Variants in ATP7A observed in about 807,000 individuals in gnomAD.
ATP7A encodes the protein copper-transporting ATPase 1.
In ATP7A, 7 loss-of-function variants were observed where a neutral mutation model predicts 83.5. The ratio of observed to expected loss-of-function variants is 0.08; its 90% CI spans 0.05 to 0.16. The LOEUF is 0.16. ATP7A is among the 10% of genes least tolerant of loss of function. ATP7A has a pLI of 1.00. For missense variants in ATP7A, 940 were observed against 1,120.8 expected (o/e 0.84, Z 2.30); for synonymous variants, 354 against 395.2 (o/e 0.90, Z 1.24).
chrX:77,911,258 G>T (rs1455912197), intron 1 of ATP7A, among the ~76,000 whole-genome samples: 4 of 112,462 alleles, frequency 3.6e-5, no homozygotes, highest in African/African-American at 6.5e-5. Flanking sequence ...TTGGCTTCTT[G>T]TCTTGCTCTG....
At chrX:78,027,898 G>A (rs2077956403) in intron 14 of ATP7A, among the ~76,000 whole-genome samples, 1 of 111,346 alleles carries the variant, frequency 9.0e-6, no homozygotes, top group African/African-American at 3.3e-5. Flanking sequence ...GAGCCACTGT[G>A]TCCAGCCCAC....
chrX:77,954,048 T>C (rs1301959048), intron 1 of ATP7A, among the ~76,000 whole-genome samples: 1 of 112,426 alleles, frequency 8.9e-6, no homozygotes, highest in Non-Finnish European at 1.9e-5. Flanking sequence ...TGCCTTTTAA[T>C]TTGAATGTTC....
chrX:77,942,647 T>A (rs1473206598), intron 1 of ATP7A, among the ~76,000 whole-genome samples: 3 of 110,552 alleles, frequency 2.7e-5, no homozygotes, highest in Non-Finnish European at 5.7e-5. Context: ...AGGGTCTCAT[T>A]TTGTTGTCCA....
rs1230552848 is a variant in ATP7A, at chrX:77,928,073, T to C, written c.-22+17238T>C. 2.7e-5 allele frequency among the ~76,000 whole-genome samples: 3 copies of C among 110,584 alleles called. No homozygotes were observed. In the Admixed American group the frequency reaches 2.9e-4, roughly 11 times the overall value. On this transcript the variant is annotated intron_variant, in intron 1 of 22. Transcript: ENST00000341514. ...TCACTGCAGCCTCAAGTGATCCTCC[T>C]ACCTCAGCCTCACGAGTAGCTGGGA...
chrX:77,953,013 C>G (rs2077421622), intron 1 of ATP7A, among the ~76,000 whole-genome samples: 1 of 111,257 alleles, frequency 9.0e-6, no homozygotes, highest in Non-Finnish European at 1.9e-5. Flanking sequence ...AACTCCTGGG[C>G]TCAAGCAATC....
At position 78,046,462 on chromosome X, in the gene ATP7A, C is replaced by T; in HGVS notation, c.4395C>T (p.Asn1465=). ...TTAATTATAGCAGAGCCTCTATAAA[C>T]TCACTACTGTCTGATAAACGCTCCC... ...RIVNYSRASI[N]SLLSDKRSLN... Residue 1465 remains asparagine (N), a synonymous_variant, in exon 23 of 23, where the codon AAC becomes AAT. Coordinates refer to ENST00000341514, the MANE Select transcript of ATP7A (RefSeq NM_000052.7). The T allele has an allele frequency of 8.3e-7, 1 of 1,211,227 alleles. No homozygotes were observed. The highest frequency in any genetic ancestry group is 1.1e-6 in the Non-Finnish European group (1 of 895,192).
At position 77,992,358 on chromosome X, in the gene ATP7A, T is replaced by C. The variant is rs2077674997; in HGVS notation, c.1336+2400T>C. ...GATTACAGGCGTGAGCCACCATGCC[T>C]GGCCTTTAGATTCTTTTGCTCTAAA... On this transcript the variant is annotated intron_variant, in intron 4 of 22. Transcript: ENST00000341514. Among the ~76,000 whole-genome samples, 3 of 110,933 alleles carry C rather than the reference T, an allele frequency of 2.7e-5. No individual in the cohort carries two copies. In the South Asian group the frequency reaches 1.1e-3, roughly 42 times the overall value.
Position 78,048,314 on chromosome X carries a change from T to C in ATP7A, c.*1744T>C, listed in dbSNP as rs1435092646. ...AGGACTCATAAGTAAATTCCTAACA[T>C]TTTGTTCCCATTACCAGAAGCAAAG... On this transcript the variant is annotated 3_prime_UTR_variant, in exon 23 of 23. Coordinates refer to ENST00000341514, the MANE Select transcript of ATP7A (RefSeq NM_000052.7). The C allele has an allele frequency of 8.9e-6, 1 of 112,389 alleles. No individual in the cohort carries two copies. Among genetic ancestry groups the C allele is most frequent in the Non-Finnish European group, 1.9e-5 (1 of 53,273 alleles). 9.3% of individuals were successfully genotyped at this position (112,389 alleles called of 1,213,427 possible).
chrX:78,031,580 C>G lies in ATP7A; in HGVS notation c.3292C>G (p.Gln1098Glu). Residue 1098 changes from glutamine to glutamate, a missense_variant and splice_region_variant, in exon 16 of 23, where the codon CAG (glutamine) becomes GAG (glutamate). By Grantham distance (29) the Gln-to-Glu change is conservative. Coordinates refer to ENST00000341514, the MANE Select transcript of ATP7A (RefSeq NM_000052.7). ...AACAGCCATAACCAAATATTGCAAA[C>G]AGGTACATTTTTTTCCTCTTGTTTA... The part of the protein sequence containing the change: ...LGTAITKYCK[Q>E]ELDTETLGTC... The G allele has an allele frequency of 8.3e-7, 1 of 1,208,148 alleles. No homozygotes were observed. Among genetic ancestry groups the G allele is most frequent in the African/African-American group, 1.7e-5 (1 of 57,723 alleles).
At chrX:77,987,753 T>C (rs937138119) in intron 2 of ATP7A, among the ~76,000 whole-genome samples, 1 of 111,403 alleles carries the variant, frequency 9.0e-6, no homozygotes, top group African/African-American at 3.3e-5. Context: ...AACAAAGTTA[T>C]CCTAATTGAA....
chrX:77,987,267 A>G (rs1440451219), intron 2 of ATP7A, among the ~76,000 whole-genome samples: 1 of 111,959 alleles, frequency 8.9e-6, no homozygotes, highest in Non-Finnish European at 1.9e-5. Context: ...TTAATTTTAT[A>G]TAATTCACTG....
chrX:78,009,017 C>CAAAA, intron 6 of ATP7A, 85 bp from the exon 7 acceptor site: 38 of 803,466 alleles, frequency 4.7e-5, no homozygotes, highest in African/African-American at 1.5e-4. Flanking sequence ...GACTCTGTCT[C>CAAAA]AAAAAAAAAA....
At chrX:78,020,169 C>G in intron 12 of ATP7A, 75 bp from the exon 13 acceptor site, 1 of 1,087,510 alleles carries the variant, frequency 9.2e-7, no homozygotes, top group Non-Finnish European at 1.3e-6. Context: ...ATATTTTTGA[C>G]AAGTAACAAA....
intron 1 of ATP7A, among the ~76,000 whole-genome samples, chrX:77,959,701 C>T (rs898534738): frequency 8.9e-6 from 1 of 112,276 alleles, no homozygotes; most frequent in Non-Finnish European, 1.9e-5. Context: ...TATAAATATA[C>T]CACAACCAAT....
In ATP7A at chrX:78,003,212, A is replaced by C. The variant is rs2077752277; in HGVS notation, c.1683A>C (p.Glu561Asp). ...CCACTGTGATAGAAAATGCTGATGA[A>C]GGAGATGGTGTTTTGGAACTTGTTG... is the stretch of plus-strand genomic sequence containing the variant. ...FGATVIENAD[E>D]GDGVLELVVR... The change falls in exon 6 of 23, where the codon GAA (glutamate) becomes GAC (aspartate). Residue 561 changes from glutamate (E) to aspartate (D), a missense_variant. Glu to Asp is a conservative substitution (Grantham distance 45, BLOSUM62 2). Coordinates refer to ENST00000341514, the MANE Select transcript of ATP7A (RefSeq NM_000052.7). 1 of 1,208,676 alleles carries C rather than the reference A, an allele frequency of 8.3e-7. No individual in the cohort carries two copies. Among genetic ancestry groups the C allele is most frequent in the African/African-American group, 1.8e-5 (1 of 56,994 alleles).
intron 1 of ATP7A, chrX:77,969,119 G>C (rs1557229200): frequency 2.5e-6 from 3 of 1,211,618 alleles, no homozygotes; most frequent in Non-Finnish European, 3.4e-6. Flanking sequence ...TCCTTGATCT[G>C]GGGAACTATT....
chrX:77,925,015 A>G (rs2077234171), intron 1 of ATP7A, among the ~76,000 whole-genome samples: 1 of 111,479 alleles, frequency 9.0e-6, no homozygotes, highest in Non-Finnish European at 1.9e-5. Flanking sequence ...AAAACAGGAC[A>G]TGAAAGGAAT....
chrX:78,017,193 G>A (rs1297366389), intron 12 of ATP7A, among the ~76,000 whole-genome samples: 1 of 112,419 alleles, frequency 8.9e-6, no homozygotes, highest in Non-Finnish European at 1.9e-5. Context: ...CCAAGGCTTG[G>A]GGCTTGCACC....
rs1353488746 is a variant in ATP7A, at chrX:78,029,310, A to G, written c.2977A>G (p.Ile993Val). ...TIIRFAFQAS[I>V]TVLCIACPCS... ...AATACGATTTGCTTTCCAAGCCTCT[A>G]TCACAGTTCTGTGTATTGCATGTCC... Residue 993 changes from isoleucine (I) to valine (V), a missense_variant, in exon 15 of 23, where the codon ATC becomes GTC. Ile to Val is a conservative substitution (Grantham distance 29). This residue lies in a region of ATP7A where 386 missense variants were observed against 502.2 expected (regional missense o/e 0.77). Transcript: ENST00000341514. The G allele has an allele frequency of 8.3e-7, 1 of 1,211,232 alleles. No individual in the cohort carries two copies. The highest frequency in any genetic ancestry group is 1.1e-6 in the Non-Finnish European group (1 of 894,946).
Sources: allele counts gnomAD v4.1 joint callset (sites outside exome capture counted in the v4.1 genomes callset), GRCh38; gene constraint gnomAD v4.1.1; regional missense constraint gnomAD v4.1.1; transcripts MANE v1.5; gene names NCBI Gene and HGNC (gene_info 2026-07-23, HGNC 2026-07-21).